NHSL2: variants seen among roughly 807,000 people sequenced by gnomAD.
NHSL2 encodes NHS like 2, also known as NHS-like protein 2.
Under a neutral mutation model 53.4 loss-of-function variants are expected in NHSL2, and 27 were observed. The ratio of observed to expected loss-of-function variants is 0.51; its 90% CI spans 0.37 to 0.70. The LOEUF is 0.70. NHSL2 is among the 30% of genes least tolerant of loss of function. NHSL2 has a pLI of 0.00. For missense variants in NHSL2, 892 were observed against 980.1 expected (o/e 0.91, Z 1.20); for synonymous variants, 408 against 404.1 (o/e 1.01, Z -0.12).
intron 1 of NHSL2, among the ~76,000 whole-genome samples, chrX:71,943,295 G>A (rs868342326): frequency 1.3e-4 from 14 of 111,892 alleles, no homozygotes; most frequent in African/African-American, 3.6e-4. Flanking sequence ...GTCATCACCC[G>A]TTTGAATACC....
chrX:72,002,950 C>G (rs1384308495), intron 1 of NHSL2, among the ~76,000 whole-genome samples: 1 of 110,881 alleles, frequency 9.0e-6, no homozygotes, highest in Non-Finnish European at 1.9e-5. Flanking sequence ...GATTTGGAAC[C>G]CATTTGGTGA....
At chrX:71,986,322 C>T (rs2042002691) in intron 1 of NHSL2, among the ~76,000 whole-genome samples, 4 of 111,585 alleles carry the variant, frequency 3.6e-5, no homozygotes, top group African/African-American at 9.8e-5. Flanking sequence ...TAAAAAGAAT[C>T]CCAGGTCACC....
At chrX:72,134,255 T>C in intron 3 of NHSL2, 37 bp downstream of exon 3, 2 of 1,144,938 alleles carry the variant, frequency 1.7e-6, no homozygotes, top group Non-Finnish European at 2.3e-6. Flanking sequence ...AGAGCCAGCA[T>C]GCACCCACTG....
intron 1 of NHSL2, among the ~76,000 whole-genome samples, chrX:72,098,577 T>C (rs187485915): frequency 0.079 from 6,996 of 88,861 alleles, 258 homozygotes; most frequent in South Asian, 0.16. Flanking sequence ...CAAGACTCCG[T>C]CTCAAAAAAA....
intron 1 of NHSL2, among the ~76,000 whole-genome samples, chrX:71,951,258 C>T (rs969658608): frequency 9.0e-6 from 1 of 111,610 alleles, no homozygotes; most frequent in Admixed American, 9.5e-5. Context: ...CACTGACAGG[C>T]CAGGCAAACT....
At chrX:72,036,214 G>A (rs72630032) in intron 1 of NHSL2, among the ~76,000 whole-genome samples, 9,803 of 111,318 alleles carry the variant, frequency 0.088, 613 homozygotes, top group African/African-American at 0.21. Flanking sequence ...CCTTCTCTGA[G>A]AATTTTTTGA....
Position 72,146,502 on chromosome X carries a change from T to G in NHSL2, c.*2928T>G, listed in dbSNP as rs895549701. On this transcript the variant is annotated 3_prime_UTR_variant, in exon 8 of 8. Coordinates refer to ENST00000633930, the MANE Select transcript of NHSL2 (RefSeq NM_001013627.3). ...TAGTATAAATAATAATGATAATAATTTTTGAAGGTGGAATAGAGAAGAGAT... is the reference window on the plus strand; with the variant it reads ...TAGTATAAATAATAATGATAATAATGTTTGAAGGTGGAATAGAGAAGAGAT... 2 of 111,778 alleles carry G rather than the reference T, an allele frequency of 1.8e-5. No individual in the cohort carries two copies. Among genetic ancestry groups the G allele is most frequent in the African/African-American group, 6.5e-5 (2 of 30,725 alleles). 9.2% of individuals were successfully genotyped at this position (111,778 alleles called of 1,213,427 possible).
At chrX:72,040,775 A>G (rs1299028707) in intron 1 of NHSL2, among the ~76,000 whole-genome samples, 1 of 112,075 alleles carries the variant, frequency 8.9e-6, no homozygotes, top group East Asian at 2.8e-4. Context: ...GCCCTCATAA[A>G]AGAAAAGTGC....
intron 1 of NHSL2, among the ~76,000 whole-genome samples, chrX:72,066,141 C>G (rs1054971317): frequency 1.8e-5 from 2 of 111,036 alleles, no homozygotes; most frequent in East Asian, 2.8e-4. Context: ...TTGAAGGGGT[C>G]TGGGGAAGGA....
chrX:72,000,741 C>T (rs939213226), intron 1 of NHSL2, among the ~76,000 whole-genome samples: 2 of 111,958 alleles, frequency 1.8e-5, no homozygotes, highest in African/African-American at 6.5e-5. Context: ...GACTCTCCAG[C>T]CTCCCGCTTT....
intron 1 of NHSL2, among the ~76,000 whole-genome samples, chrX:71,930,975 A>C (rs2041710102): frequency 8.9e-6 from 1 of 112,311 alleles, no homozygotes; most frequent in Non-Finnish European, 1.9e-5. Flanking sequence ...GAACTGCCAG[A>C]CTGTTTTCTA....
chrX:72,144,826 G>A lies in NHSL2; in HGVS notation c.*1252G>A. The stretch of plus-strand genomic sequence containing the variant: ...TTGCTGGGGGAGAGCATAAGAACCT[G>A]GGTAAATGGCATACTGAAAGAGCTT... On this transcript the variant is annotated 3_prime_UTR_variant, in exon 8 of 8. Transcript: ENST00000633930. The A allele has an allele frequency of 6.0e-6, 1 of 165,884 alleles. No homozygotes were observed. The highest frequency in any genetic ancestry group is 1.2e-5 in the Non-Finnish European group (1 of 86,618). 13.7% of individuals were successfully genotyped at this position (165,884 alleles called of 1,213,427 possible).
At chrX:72,109,894 C>T (rs1569480980) in intron 1 of NHSL2, among the ~76,000 whole-genome samples, 2 of 112,091 alleles carry the variant, frequency 1.8e-5, no homozygotes, top group African/African-American at 6.5e-5. Context: ...GGTTGTTAAA[C>T]ACCCTGGTTG....
At chrX:72,131,751 T>G in intron 1 of NHSL2, 1 of 268,578 alleles carries the variant, frequency 3.7e-6, no homozygotes, top group Non-Finnish European at 6.4e-6. Flanking sequence ...CAGGGCGCGT[T>G]ACCTCGTCGC....
chrX:71,929,869 C>T (rs2147820625), intron 1 of NHSL2, among the ~76,000 whole-genome samples: 1 of 110,778 alleles, frequency 9.0e-6, no homozygotes, highest in African/African-American at 3.3e-5. Context: ...ATCCTCACCC[C>T]TCAGCCTCCC....
In NHSL2 at chrX:72,140,400, C is replaced by T. The variant is rs1215696308; in HGVS notation, c.2852C>T (p.Pro951Leu). ...STAPSSLVFT[P>L]FASSSDAFFS... is the part of the protein sequence containing the mutation. ...GCACCCTCATCTCTTGTTTTCACGC[C>T]TTTTGCCAGTTCCTCTGATGCTTTC... Residue 951 changes from proline (P) to leucine (L), a missense_variant, in exon 6 of 8, where the codon CCT becomes CTT. Coordinates refer to ENST00000633930, the MANE Select transcript of NHSL2 (RefSeq NM_001013627.3). The T allele has an allele frequency of 8.3e-7, 1 of 1,208,526 alleles. No homozygotes were observed. Among genetic ancestry groups the T allele is most frequent in the Non-Finnish European group, 1.1e-6 (1 of 894,433 alleles).
At position 71,911,344 on chromosome X, in the gene NHSL2, CGGA is replaced by C. The variant is rs1194398519; in HGVS notation, c.264_266del (p.Glu88del). ...CGCCTTCCCTGCCGCCTGCTTGGCC[CGGA>C]GGAGGACGAGGAAGAGCTAGGTAAA... On this transcript the variant is annotated inframe_deletion, in exon 1 of 8. Transcript: ENST00000633930. 1.8e-6 allele frequency: 2 copies of C among 1,097,842 alleles called. No homozygotes were observed. The highest frequency in any genetic ancestry group is 2.4e-6 in the Non-Finnish European group (2 of 841,480). 90.5% of individuals were successfully genotyped at this position (1,097,842 alleles called of 1,213,427 possible).
chrX:72,003,069 G>C (rs1429052429), intron 1 of NHSL2, among the ~76,000 whole-genome samples: 1 of 109,610 alleles, frequency 9.1e-6, no homozygotes, highest in Non-Finnish European at 1.9e-5. Context: ...GGTGCGGGAT[G>C]GGAAAACATG....
intron 6 of NHSL2, among the ~76,000 whole-genome samples, chrX:72,141,919 G>A (rs1435896216): frequency 8.9e-6 from 1 of 111,792 alleles, no homozygotes; most frequent in Non-Finnish European, 1.9e-5. Flanking sequence ...CACTAGTTTA[G>A]ATCACTCCCA....
Sources: allele counts gnomAD v4.1 joint callset (sites outside exome capture counted in the v4.1 genomes callset), GRCh38; gene constraint gnomAD v4.1.1; transcripts MANE v1.5; gene names NCBI Gene and HGNC (gene_info 2026-07-23, HGNC 2026-07-21).